The following DNAH12 variants were observed in gnomAD, a reference collection of about 807,000 sequenced individuals.
The protein encoded by DNAH12 is axonemal beta dynein heavy chain 12.
A neutral mutation model predicts 371.5 loss-of-function variants in DNAH12; 285 were observed. That is an observed-to-expected ratio of 0.77 (90% CI 0.70 to 0.85). The LOEUF (loss-of-function observed/expected upper bound fraction) is 0.85. Among genes scored for constraint, DNAH12 ranks in the 40% least tolerant of loss-of-function variants. DNAH12 has a pLI of 0.00. For synonymous variants in DNAH12, 1,200 were observed against 1,213.0 expected (o/e 0.99, Z 0.22); for missense variants, 3,611 against 3,689.4 (o/e 0.98, Z 0.55).
intron 60 of DNAH12, among the ~76,000 whole-genome samples, chr3:57,344,132 CTG>C (rs782228897): frequency 7.2e-5 from 11 of 152,290 alleles, no homozygotes; most frequent in Admixed American, 4.6e-4. Flanking sequence ...TACTTTGTCT[CTG>C]TGTCTTATTT....
At chr3:57,452,006 G>A (rs7620992) in intron 25 of DNAH12, among the ~76,000 whole-genome samples, 82,953 of 151,866 alleles carry the variant, frequency 0.55, 22,765 homozygotes, top group South Asian at 0.6. Flanking sequence ...CTTGAAGTGT[G>A]CTTTACCCCC....
At position 57,474,696 on chromosome 3, in the gene DNAH12, C is replaced by T. The variant is rs375847688; in HGVS notation, c.1651-2025G>A. On this transcript the variant is annotated intron_variant, in intron 13 of 73. Transcript: ENST00000495027. Reference sequence around the variant, plus strand: ...AATTTTGGTCGAGCATGGTAGCTCACGCCTGTAATCCCAACACTTTGGGAG... The same window carrying T: ...AATTTTGGTCGAGCATGGTAGCTCATGCCTGTAATCCCAACACTTTGGGAG... Among the ~76,000 whole-genome samples, 33 of 152,232 alleles carry T rather than the reference C, an allele frequency of 2.2e-4. No individual in the cohort carries two copies. In the South Asian group the frequency reaches 4.2e-3, roughly 19 times the overall value.
chr3:57,306,339 A>G (rs1463940555), intron 69 of DNAH12, among the ~76,000 whole-genome samples: 1 of 152,130 alleles, frequency 6.6e-6, no homozygotes, highest in Non-Finnish European at 1.5e-5. Context: ...ATTGACGGCC[A>G]GGCTTCTAAA....
At chr3:57,477,101 G>A (rs2066556416) in intron 13 of DNAH12, among the ~76,000 whole-genome samples, 1 of 152,138 alleles carries the variant, frequency 6.6e-6, no homozygotes. Flanking sequence ...GCAGCGCACT[G>A]AGCATGAGCC....
chr3:57,509,041 C>A, intron 6 of DNAH12, 99 bp downstream of exon 6: 3 of 1,048,424 alleles, frequency 2.9e-6, no homozygotes, highest in Non-Finnish European at 4.2e-6. Context: ...TTCAAAATAC[C>A]TTTGAGCATC....
intron 2 of DNAH12, among the ~76,000 whole-genome samples, chr3:57,533,466 C>T (rs1280373825): frequency 1.3e-5 from 2 of 151,876 alleles, no homozygotes; most frequent in Admixed American, 6.6e-5. Flanking sequence ...TAATTTCAGA[C>T]AAGCCAGCAT....
intron 62 of DNAH12, among the ~76,000 whole-genome samples, chr3:57,330,901 A>G (rs2062080284): frequency 6.6e-6 from 1 of 152,060 alleles, no homozygotes; most frequent in Non-Finnish European, 1.5e-5. Context: ...AAATCAATCA[A>G]TCAATCAATC....
chr3:57,326,336 G>T (rs1272513502), intron 62 of DNAH12, among the ~76,000 whole-genome samples: 1 of 152,308 alleles, frequency 6.6e-6, no homozygotes, highest in Admixed American at 6.5e-5. Flanking sequence ...ACAAAGGGAA[G>T]CCCATCAGAC....
Position 57,446,057 on chromosome 3 carries a change from G to A in DNAH12, c.4153C>T (p.Arg1385Cys), listed in dbSNP as rs1236557792. ...AITMNPGYAG[R>C]SELPDNLKVL... is the part of the protein sequence containing the mutation. ...TTAAGATTGTCCGGCAATTCAGAGC[G>A]TCCTGCATAGCCAGGATTCATGGTA... Residue 1385 changes from arginine (R) to cysteine (C), a missense_variant, in exon 27 of 74, where the codon CGC becomes TGC. Physicochemically the swap from Arg to Cys is radical, Grantham distance 180. Transcript: ENST00000495027. 4.5e-6 allele frequency: 7 copies of A among 1,551,284 alleles called. No individual in the cohort carries two copies. The highest frequency in any genetic ancestry group is 4.9e-5 in the East Asian group (2 of 40,928).
chr3:57,299,332 T>A (rs1333047602), intron 70 of DNAH12, among the ~76,000 whole-genome samples: 7 of 152,208 alleles, frequency 4.6e-5, no homozygotes, highest in Non-Finnish European at 1.0e-4. Flanking sequence ...TCATATGCAT[T>A]GCCTCATTTA....
chr3:57,353,126 G>C (rs1409293188), intron 59 of DNAH12, among the ~76,000 whole-genome samples: 1 of 119,862 alleles, frequency 8.3e-6, no homozygotes, highest in Non-Finnish European at 1.7e-5. Context: ...AAAACATATG[G>C]ATAAATATAG....
chr3:57,407,412 C>A (rs1157055664), intron 40 of DNAH12, among the ~76,000 whole-genome samples: 1 of 151,968 alleles, frequency 6.6e-6, no homozygotes, highest in Non-Finnish European at 1.5e-5. Flanking sequence ...TAAATAGAAG[C>A]ACTTTTCTGT....
chr3:57,484,227 C>T (rs1208813509), intron 12 of DNAH12, among the ~76,000 whole-genome samples: 1 of 151,850 alleles, frequency 6.6e-6, no homozygotes, highest in Non-Finnish European at 1.5e-5. Context: ...ATTATTAGTG[C>T]CTCTTGTGAA....
intron 17 of DNAH12, among the ~76,000 whole-genome samples, chr3:57,465,067 A>G (rs1456076669): frequency 6.6e-6 from 1 of 152,198 alleles, no homozygotes; most frequent in Admixed American, 6.5e-5. Flanking sequence ...ACTCAGGTAC[A>G]TGGTTTAGCT....
In DNAH12 at chr3:57,433,080, A is replaced by G. The variant is rs1198886468; in HGVS notation, c.4980+287T>C. On this transcript the variant is annotated intron_variant, in intron 32 of 73. Transcript: ENST00000495027. ...AAATACTGAAGTTCTATAAGAAACC[A>G]TAAGACTGAAGTCACTTAACAACTT... Among the ~76,000 whole-genome samples, 7 of 152,174 alleles carry G rather than the reference A, an allele frequency of 4.6e-5. No individual in the cohort carries two copies. The South Asian group carries it at 6.2e-4, about 14-fold the overall frequency.
At chr3:57,333,088 G>C (rs115157876) in intron 62 of DNAH12, among the ~76,000 whole-genome samples, 3,610 of 152,096 alleles carry the variant, frequency 0.024, 66 homozygotes, top group Admixed American at 0.035. Flanking sequence ...TCTGTTGCAT[G>C]TTCTTTTTTA....
chr3:57,445,369 T>C lies in DNAH12; in HGVS notation c.4230A>G (p.Ala1410=). The change falls in exon 28 of 74, where the codon GCA becomes GCG. Residue 1410 remains alanine, a synonymous_variant. Transcript: ENST00000495027. The part of the protein sequence containing the change: ...AMMVPNYALI[A]EISLYSYGFL... ...ATCCGTAAGAGTAGAGGGAGATTTCTGCTATAAGCGCATAGTTTGGAACCA... is the reference window on the plus strand; with the variant it reads ...ATCCGTAAGAGTAGAGGGAGATTTCCGCTATAAGCGCATAGTTTGGAACCA... 1.3e-6 allele frequency: 2 copies of C among 1,551,040 alleles called. No homozygotes were observed. The highest frequency in any genetic ancestry group is 1.7e-6 in the Non-Finnish European group (2 of 1,146,852).
chr3:57,311,842 G>T (rs190929738), intron 66 of DNAH12, among the ~76,000 whole-genome samples: 3 of 152,272 alleles, frequency 2.0e-5, no homozygotes, highest in African/African-American at 7.2e-5. Context: ...CAGTTCCACT[G>T]GCAATACATA....
chr3:57,519,658 T>C, intron 4 of DNAH12: 1 of 1,518,370 alleles, frequency 6.6e-7, no homozygotes, highest in African/African-American at 1.4e-5. Context: ...TAAGAAGCCT[T>C]CTAACCGCTC....
Sources: allele counts gnomAD v4.1 joint callset (sites outside exome capture counted in the v4.1 genomes callset), GRCh38; gene constraint gnomAD v4.1.1; transcripts MANE v1.5; gene names NCBI Gene and HGNC (gene_info 2026-07-23, HGNC 2026-07-21).